Variants in GPC6 observed in about 807,000 individuals in gnomAD.
GPC6 encodes the protein glypican-6.
A neutral mutation model predicts 55.2 loss-of-function variants in GPC6; 14 were observed. The ratio of observed to expected loss-of-function variants is 0.25; its 90% confidence interval spans 0.17 to 0.40. The LOEUF (loss-of-function observed/expected upper bound fraction) is 0.40, where lower values mean the gene tolerates loss of function less well. GPC6 is among the 10% of genes least tolerant of loss of function. The pLI, the probability that GPC6 is intolerant of heterozygous loss-of-function variation, is 1.00. For synonymous variants in GPC6, 278 were observed against 259.6 expected (o/e 1.07, Z -0.68); for missense variants, 641 against 708.5 (o/e 0.90, Z 1.08).
At chr13:93,972,758 C>T (rs1185899851) in intron 3 of GPC6, among the ~76,000 whole-genome samples, 4 of 151,918 alleles carry the variant, frequency 2.6e-5, no homozygotes, top group African/African-American at 9.7e-5. Context: ...GATAATAGGC[C>T]CCTTCACCCC....
intron 2 of GPC6, among the ~76,000 whole-genome samples, chr13:93,631,265 A>T (rs1879416754): frequency 6.6e-6 from 1 of 152,082 alleles, no homozygotes; most frequent in African/African-American, 2.4e-5. Flanking sequence ...AGGAGGAGCC[A>T]GGCTCCTCCC....
At chr13:93,308,136 T>C (rs1878937839) in intron 1 of GPC6, among the ~76,000 whole-genome samples, 1 of 151,674 alleles carries the variant, frequency 6.6e-6, no homozygotes, top group Non-Finnish European at 1.5e-5. Context: ...TACAAAAAAA[T>C]TAGCCGGGCC....
rs1385134527 is a variant in GPC6, at chr13:93,344,152, T to TA, written c.160+116539dup. ...TCCTCCACTTCCTACTTCCCAGCCC[T>TA]AAAGGGATCATGCTGCCATCAAGGC... On this transcript the variant is annotated intron_variant, in intron 1 of 8. Coordinates refer to ENST00000377047, the MANE Select transcript of GPC6 (RefSeq NM_005708.5). Among the ~76,000 whole-genome samples the TA allele has an allele frequency of 2.0e-5, 3 of 152,278 alleles. No homozygotes were observed. The East Asian group carries it at 5.8e-4, about 29-fold the overall frequency.
intron 3 of GPC6, among the ~76,000 whole-genome samples, chr13:93,901,913 A>G (rs12428986): frequency 2.0e-5 from 3 of 151,674 alleles, no homozygotes; most frequent in Non-Finnish European, 2.9e-5. Flanking sequence ...AAAAAAAAAA[A>G]AAAAACTTTT....
chr13:93,814,100 A>G (rs1428362371), intron 2 of GPC6, among the ~76,000 whole-genome samples: 1 of 152,126 alleles, frequency 6.6e-6, no homozygotes, highest in Non-Finnish European at 1.5e-5. Context: ...GGCAGAAGGT[A>G]ATTTTAAATA....
At chr13:93,770,128 C>A (rs1398212595) in intron 2 of GPC6, among the ~76,000 whole-genome samples, 1 of 152,062 alleles carries the variant, frequency 6.6e-6, no homozygotes, top group Non-Finnish European at 1.5e-5. Context: ...ATCTTTCCAT[C>A]CTAATTATTC....
At chr13:93,658,534 C>G (rs1205288898) in intron 2 of GPC6, among the ~76,000 whole-genome samples, 1 of 151,688 alleles carries the variant, frequency 6.6e-6, no homozygotes, top group Non-Finnish European at 1.5e-5. Context: ...GGTCATGTCA[C>G]TCTTTTGTCA....
At chr13:94,180,092 A>G (rs1424682730) in intron 4 of GPC6, among the ~76,000 whole-genome samples, 1 of 152,120 alleles carries the variant, frequency 6.6e-6, no homozygotes, top group African/African-American at 2.4e-5. Flanking sequence ...GGGACTCCCT[A>G]CCCGAAGGCT....
intron 3 of GPC6, among the ~76,000 whole-genome samples, chr13:93,908,557 T>C (rs544969047): frequency 6.6e-6 from 1 of 152,338 alleles, no homozygotes; most frequent in East Asian, 1.9e-4. Context: ...ACAACAATGA[T>C]GATGACTTAG....
chr13:93,423,551 AGTT>A (rs1877008264), intron 1 of GPC6, among the ~76,000 whole-genome samples: 1 of 152,052 alleles, frequency 6.6e-6, no homozygotes, highest in South Asian at 2.1e-4. Flanking sequence ...TATTGCTTTC[AGTT>A]GTTTTCAGAT....
chr13:94,326,571 G>C (rs974180285), intron 6 of GPC6, among the ~76,000 whole-genome samples: 47 of 152,164 alleles, frequency 3.1e-4, no homozygotes, highest in African/African-American at 1.1e-3. Flanking sequence ...CACATCAAAA[G>C]TCTGCCCCCA....
chr13:94,286,077 G>T (rs764426879), intron 4 of GPC6, among the ~76,000 whole-genome samples: 12 of 152,090 alleles, frequency 7.9e-5, no homozygotes, highest in Middle Eastern at 3.2e-3. Flanking sequence ...TACTTCATGT[G>T]GAATCATTAG....
chr13:94,068,440 C>G (rs1355343186), intron 4 of GPC6, among the ~76,000 whole-genome samples: 1 of 152,140 alleles, frequency 6.6e-6, no homozygotes, highest in East Asian at 1.9e-4. Context: ...TCATTCCACC[C>G]CTGGCTCCTC....
intron 2 of GPC6, among the ~76,000 whole-genome samples, chr13:93,568,159 TACTC>T (rs1876228469): frequency 6.6e-6 from 1 of 152,226 alleles, no homozygotes; most frequent in African/African-American, 2.4e-5. Context: ...GGGATTCAGA[TACTC>T]CCTCCAAAGA....
intron 1 of GPC6, among the ~76,000 whole-genome samples, chr13:93,286,127 G>T (rs9523997): frequency 0.25 from 37,900 of 152,022 alleles, 4,920 homozygotes; most frequent in African/African-American, 0.32. Flanking sequence ...CCACATAGCT[G>T]GGGAGGCCTC....
chr13:93,737,557 T>C (rs889998130), intron 2 of GPC6, among the ~76,000 whole-genome samples: 11 of 152,148 alleles, frequency 7.2e-5, no homozygotes, highest in African/African-American at 2.7e-4. Flanking sequence ...TAATTAAGTA[T>C]AGTCTCCATC....
At chr13:93,723,534 G>A (rs774460309) in intron 2 of GPC6, among the ~76,000 whole-genome samples, 8 of 152,040 alleles carry the variant, frequency 5.3e-5, no homozygotes, top group Middle Eastern at 3.4e-3. Flanking sequence ...TCCCAGAGCC[G>A]CAGGAGTCAA....
intron 4 of GPC6, among the ~76,000 whole-genome samples, chr13:94,218,958 A>C (rs1890303284): frequency 6.6e-6 from 1 of 152,214 alleles, no homozygotes. Context: ...GTATTTAAAA[A>C]ATTCCTGATT....
intron 2 of GPC6, among the ~76,000 whole-genome samples, chr13:93,676,172 TACAC>T (rs771597800): frequency 8.3e-5 from 6 of 72,368 alleles, no homozygotes; most frequent in African/African-American, 3.8e-4. Context: ...TATATATACA[TACAC>T]ACACACACAC....
Sources: gnomAD v4.1 joint callset for allele counts (sites outside exome capture counted in the v4.1 genomes callset) on GRCh38, gnomAD v4.1.1 for gene constraint, MANE v1.5 for transcripts, NCBI Gene and HGNC (gene_info 2026-07-23, HGNC 2026-07-21) for gene names.